NIM1K: variants seen among roughly 807,000 people sequenced by gnomAD.
NIM1K encodes NIM1 serine/threonine protein kinase.
NIM1K carries 35 observed loss-of-function variants against 37.1 expected under a neutral mutation model. The observed-to-expected ratio is 0.94, with a 90% confidence interval of 0.72 to 1.25. The LOEUF is 1.25. Among genes scored for constraint, NIM1K ranks in the 50% most tolerant of loss-of-function variants. NIM1K has a pLI of 0.00. For synonymous variants in NIM1K, 234 were observed against 206.6 expected, an observed-to-expected ratio of 1.13 and a Z score of -1.14; for missense variants, 564 against 548.0, an observed-to-expected ratio of 1.03 and a Z score of -0.29.
At chr5:43,265,691 G>A (rs990824759) in intron 2 of NIM1K, among the ~76,000 whole-genome samples, 1 of 152,232 alleles carries the variant, frequency 6.6e-6, no homozygotes, top group Admixed American at 6.5e-5. Context: ...CTTTGGAGGA[G>A]AAGAGGCACT....
chr5:43,273,242 CA>C (rs1205839039), intron 2 of NIM1K, among the ~76,000 whole-genome samples: 2 of 151,012 alleles, frequency 1.3e-5, no homozygotes, highest in African/African-American at 4.9e-5. Flanking sequence ...CTCACTCTGT[CA>C]CCTAGGCTGG....
intron 2 of NIM1K, among the ~76,000 whole-genome samples, chr5:43,268,314 C>A (rs906470400): frequency 6.6e-6 from 1 of 152,188 alleles, no homozygotes; most frequent in African/African-American, 2.4e-5. Flanking sequence ...TGTGGTCAAA[C>A]TAGGATGGAG....
In NIM1K at chr5:43,280,835, A is replaced by C. The variant is rs1406104327; in HGVS notation, c.*106A>C. On this transcript the variant is annotated 3_prime_UTR_variant, in exon 4 of 4. Coordinates refer to ENST00000326035, the MANE Select transcript of NIM1K (RefSeq NM_153361.4). ...ATTTTTGTAATTTTTAAATAAACTT[A>C]AATTTGAGATATGCATTTTTTTTCT... 16 of 1,101,902 alleles carry C rather than the reference A, an allele frequency of 1.5e-5. No homozygotes were observed. The highest frequency in any genetic ancestry group is 3.2e-5 in the African/African-American group (2 of 63,238). 68.3% of individuals were successfully genotyped at this position (1,101,902 alleles called of 1,614,324 possible).
In NIM1K at chr5:43,245,829, G is replaced by T. The variant is rs898878322; in HGVS notation, c.54G>T (p.Arg18=). 3 of 1,613,636 alleles carry T rather than the reference G, an allele frequency of 1.9e-6. No individual in the cohort carries two copies. Among genetic ancestry groups the T allele is most frequent in the Admixed American group, 1.7e-5 (1 of 60,006 alleles). The change falls in exon 2 of 4, where the codon CGG becomes CGT. Residue 18 remains arginine, a synonymous_variant. Transcript: ENST00000326035. ...GGGLVNPHYA[R]WDRRDSVESG... Reference sequence around the variant, plus strand: ...GCCTGGTGAACCCCCACTATGCCCGGTGGGATCGGCGCGACAGTGTAGAAA... The same window carrying T: ...GCCTGGTGAACCCCCACTATGCCCGTTGGGATCGGCGCGACAGTGTAGAAA...
At position 43,249,258 on chromosome 5, in the gene NIM1K, A is replaced by G. The variant is rs369173229; in HGVS notation, c.292+3191A>G. 2.8e-3 allele frequency among the ~76,000 whole-genome samples: 432 copies of G among 151,726 alleles called. 5 individuals are homozygous for G. The highest frequency in any genetic ancestry group is 9.0e-3 in the African/African-American group (371 of 41,344). ...CTAATTTTTTGTATTTTTAGTAGAG[A>G]CGGGGTTTCACCATGTTAGCTGGGA... On this transcript the variant is annotated intron_variant, in intron 2 of 3. Transcript: ENST00000326035.
intron 1 of NIM1K, among the ~76,000 whole-genome samples, chr5:43,208,274 G>C (rs1054489583): frequency 6.6e-6 from 1 of 151,616 alleles, no homozygotes; most frequent in Non-Finnish European, 1.5e-5. Context: ...AATAGGAATT[G>C]CTTCAATTAA....
chr5:43,225,844 G>A (rs941301768), intron 1 of NIM1K: 1 of 152,726 alleles, frequency 6.5e-6, no homozygotes, highest in African/African-American at 2.4e-5. Context: ...CCCTTAAGAA[G>A]CTGACAGCCT....
chr5:43,212,282 T>C (rs942963679), intron 1 of NIM1K, among the ~76,000 whole-genome samples: 2 of 152,148 alleles, frequency 1.3e-5, no homozygotes, highest in African/African-American at 4.8e-5. Flanking sequence ...ACATCATTTC[T>C]GGGTTTCTGT....
chr5:43,222,049 A>G (rs766591777), intron 1 of NIM1K, among the ~76,000 whole-genome samples: 2 of 152,164 alleles, frequency 1.3e-5, no homozygotes, highest in Non-Finnish European at 2.9e-5. Context: ...TTGCTTTCCA[A>G]GTGGACAGAC....
chr5:43,213,417 C>T (rs1046027236), intron 1 of NIM1K, among the ~76,000 whole-genome samples: 2 of 151,752 alleles, frequency 1.3e-5, no homozygotes, highest in Non-Finnish European at 2.9e-5. Flanking sequence ...GCAACCTCCA[C>T]CTCCCAGGTT....
chr5:43,204,921 G>A (rs901432796), intron 1 of NIM1K, among the ~76,000 whole-genome samples: 3 of 152,084 alleles, frequency 2.0e-5, no homozygotes, highest in African/African-American at 4.8e-5. Flanking sequence ...TCTGGAGCCC[G>A]GGAGGTCGAG....
intron 1 of NIM1K, among the ~76,000 whole-genome samples, chr5:43,218,640 C>T (rs1360975925): frequency 6.6e-6 from 1 of 152,142 alleles, no homozygotes; most frequent in Admixed American, 6.6e-5. Flanking sequence ...TGAAGCAATT[C>T]ATGAGGGATC....
intron 1 of NIM1K, among the ~76,000 whole-genome samples, chr5:43,210,389 G>C (rs1283086824): frequency 6.6e-6 from 1 of 152,094 alleles, no homozygotes; most frequent in African/African-American, 2.4e-5. Flanking sequence ...CATATATTGA[G>C]TATCTATGAG....
intron 1 of NIM1K, among the ~76,000 whole-genome samples, chr5:43,212,449 A>G (rs1431137759): frequency 6.6e-6 from 1 of 151,604 alleles, no homozygotes; most frequent in Non-Finnish European, 1.5e-5. Flanking sequence ...AAATCCCTCC[A>G]CAGTCTTTAA....
chr5:43,270,533 G>T (rs1203834154), intron 2 of NIM1K, among the ~76,000 whole-genome samples: 1 of 152,198 alleles, frequency 6.6e-6, no homozygotes, highest in Non-Finnish European at 1.5e-5. Context: ...TGTGAATGAG[G>T]AGTGGAAGAA....
intron 1 of NIM1K, among the ~76,000 whole-genome samples, chr5:43,224,065 GT>G (rs376822728): frequency 8.2e-5 from 12 of 146,312 alleles, no homozygotes; most frequent in East Asian, 2.0e-4. Context: ...TTGTCTTTTT[GT>G]TTTTTTTTTC....
At chr5:43,203,056 T>C (rs941664498) in intron 1 of NIM1K, among the ~76,000 whole-genome samples, 2 of 152,134 alleles carry the variant, frequency 1.3e-5, no homozygotes, top group African/African-American at 4.8e-5. Flanking sequence ...TGTTTGTTGG[T>C]AGCCTTTAGT....
chr5:43,264,888 G>T (rs573525014), intron 2 of NIM1K, among the ~76,000 whole-genome samples: 10 of 152,276 alleles, frequency 6.6e-5, no homozygotes, highest in Non-Finnish European at 1.2e-4. Context: ...AGCTTAGTTT[G>T]ACTGGCTATG....
chr5:43,279,845 C>A, intron 3 of NIM1K, 135 bp from the exon 4 acceptor site: 1 of 724,376 alleles, frequency 1.4e-6, no homozygotes, highest in Non-Finnish European at 2.3e-6. Context: ...ACAGGGTTTG[C>A]TATCATGACT....
Sources: gnomAD v4.1 joint callset for allele counts (sites outside exome capture counted in the v4.1 genomes callset) on GRCh38, gnomAD v4.1.1 for gene constraint, MANE v1.5 for transcripts, NCBI Gene and HGNC (gene_info 2026-07-23, HGNC 2026-07-21) for gene names.